DENND2A: variants seen among roughly 807,000 people sequenced by gnomAD.
DENND2A encodes the protein DENN domain-containing protein 2A.
In DENND2A, 53 loss-of-function variants were observed where a neutral mutation model predicts 105.3. The observed-to-expected ratio is 0.50, with a 90% confidence interval of 0.40 to 0.63. The LOEUF (loss-of-function observed/expected upper bound fraction) is 0.63. Ranked by LOEUF, DENND2A falls within the 30% of genes least tolerant of loss-of-function variation. The pLI, the probability that DENND2A is intolerant of heterozygous loss-of-function variation, is 0.00. For missense variants in DENND2A, 1,138 were observed against 1,279.6 expected (o/e 0.89, Z 1.69); for synonymous variants, 522 against 508.4 (o/e 1.03, Z -0.36).
intron 12 of DENND2A, among the ~76,000 whole-genome samples, chr7:140,548,841 G>A (rs1028827260): frequency 1.4e-4 from 21 of 151,586 alleles, no homozygotes; most frequent in African/African-American, 4.3e-4. Context: ...TCGAACTCCC[G>A]ACCTCAGGTG....
At chr7:140,541,767 C>T (rs965809437) in intron 14 of DENND2A, among the ~76,000 whole-genome samples, 2 of 152,124 alleles carry the variant, frequency 1.3e-5, no homozygotes, top group Admixed American at 6.5e-5. Context: ...AAAAGTGCAC[C>T]GGGAGTACGA....
intron 12 of DENND2A, among the ~76,000 whole-genome samples, chr7:140,552,918 G>A (rs543569228): frequency 3.3e-5 from 5 of 151,754 alleles, no homozygotes; most frequent in African/African-American, 1.2e-4. Context: ...TATAATTCAG[G>A]TTTCCTCTGA....
intron 1 of DENND2A, among the ~76,000 whole-genome samples, chr7:140,611,385 A>G (rs1799891342): frequency 6.6e-6 from 1 of 152,118 alleles, no homozygotes. Context: ...TAAAAAATAA[A>G]AAAATTGGCC....
At chr7:140,570,322 A>G (rs1290778099) in intron 6 of DENND2A, among the ~76,000 whole-genome samples, 2 of 152,214 alleles carry the variant, frequency 1.3e-5, no homozygotes, top group African/African-American at 2.4e-5. Flanking sequence ...ATGGGGAGAC[A>G]GCCCATTGCT....
intron 9 of DENND2A, among the ~76,000 whole-genome samples, chr7:140,564,295 A>AT (rs56667133): frequency 3.2e-3 from 156 of 48,188 alleles, no homozygotes; most frequent in African/African-American, 0.011. Context: ...AAAAAAAAAA[A>AT]AATACACACA....
chr7:140,573,614 C>T (rs1367143301), intron 6 of DENND2A, among the ~76,000 whole-genome samples, 194 bp downstream of exon 6: 3 of 152,088 alleles, frequency 2.0e-5, no homozygotes, highest in Non-Finnish European at 2.9e-5. Context: ...AGAGGAAGAC[C>T]ACAGGACCAC....
intron 13 of DENND2A, among the ~76,000 whole-genome samples, chr7:140,546,412 T>C (rs1364313206): frequency 1.3e-5 from 2 of 152,134 alleles, no homozygotes; most frequent in Non-Finnish European, 2.9e-5. Context: ...TGCAAGACTT[T>C]GTCTCAAAAA....
At chr7:140,577,131 G>T (rs1252441628) in intron 5 of DENND2A, among the ~76,000 whole-genome samples, 8 of 152,222 alleles carry the variant, frequency 5.3e-5, no homozygotes, top group African/African-American at 1.9e-4. Context: ...TGTTCAGGGA[G>T]CTTTCATGAT....
At chr7:140,595,150 G>A (rs1217542579) in intron 3 of DENND2A, among the ~76,000 whole-genome samples, 1 of 152,096 alleles carries the variant, frequency 6.6e-6, no homozygotes, top group East Asian at 1.9e-4. Context: ...GGAATTGCAG[G>A]TGTGTGCCAC....
At chr7:140,564,712 AATCATTTG>A (rs1453688083) in intron 9 of DENND2A, among the ~76,000 whole-genome samples, 1 of 152,220 alleles carries the variant, frequency 6.6e-6, no homozygotes, top group Non-Finnish European at 1.5e-5. Flanking sequence ...TGGAAACAAT[AATCATTTG>A]ATCATTATGG....
intron 12 of DENND2A, among the ~76,000 whole-genome samples, chr7:140,554,253 T>C (rs1027715969): frequency 6.6e-6 from 1 of 151,558 alleles, no homozygotes; most frequent in African/African-American, 2.4e-5. Context: ...TAGGGAGTAC[T>C]GCTTTAACAT....
At chr7:140,618,648 A>G (rs1458573733) in intron 1 of DENND2A, among the ~76,000 whole-genome samples, 1 of 152,124 alleles carries the variant, frequency 6.6e-6, no homozygotes, top group African/African-American at 2.4e-5. Flanking sequence ...CATCATTACG[A>G]ATGTCTGTCT....
rs1563169980 is a variant in DENND2A, at chr7:140,601,435, C to T, written c.963G>A (p.Trp321Ter). Residue 321 changes from tryptophan (W) to a stop codon, truncating the protein, a stop_gained, in exon 3 of 20, where the codon TGG becomes TGA. Coordinates refer to ENST00000496613, the MANE Select transcript of DENND2A (RefSeq NM_015689.5). LOFTEE classifies it high-confidence loss of function. The stretch of plus-strand genomic sequence containing the variant: ...CTGCACTGGATTTCTGTCTCCCGGT[C>T]CACAGTCTTCTGTTCACAGAGGAAG... The part of the protein sequence containing the change: ...PPPSSVNRRL[W>*]TGRQKSSADH... The T allele has an allele frequency of 6.2e-7, 1 of 1,609,820 alleles. No individual in the cohort carries two copies.
At chr7:140,592,295 C>T (rs1216615117) in intron 3 of DENND2A, among the ~76,000 whole-genome samples, 2 of 151,718 alleles carry the variant, frequency 1.3e-5, no homozygotes, top group Admixed American at 6.6e-5. Context: ...AAAGCTCCAC[C>T]TCCTCGGTTC....
intron 5 of DENND2A, among the ~76,000 whole-genome samples, chr7:140,574,986 C>T (rs1250986926): frequency 1.3e-5 from 2 of 152,154 alleles, no homozygotes; most frequent in South Asian, 2.1e-4. Context: ...CGCCACTGCA[C>T]TCCAGCCTGG....
chr7:140,567,301 AGAAAGAG>A (rs1259879834), intron 8 of DENND2A, 28 bp from the exon 9 acceptor site: 1 of 874,676 alleles, frequency 1.1e-6, no homozygotes, highest in African/African-American at 3.3e-5. Context: ...AGAGAAAGAG[AGAAAGAG>A]AGAGAGAGAG....
At chr7:140,555,495 G>A in intron 12 of DENND2A, 141 bp downstream of exon 12, 1 of 722,604 alleles carries the variant, frequency 1.4e-6, no homozygotes, top group Non-Finnish European at 2.3e-6. Context: ...GAGGGGTGAT[G>A]AGGAGAGGAG....
Position 140,522,030 on chromosome 7 carries a change from T to A in DENND2A, c.2736A>T (p.Gly912=). ...AFVRFFVEIV[G]HYSLFLTSGE... ...CCGACGTCAGGAACAAAGAGTAGTGTCCCACAATCTCCACGAAGAAGCGGA... is the reference window on the plus strand; with the variant it reads ...CCGACGTCAGGAACAAAGAGTAGTGACCCACAATCTCCACGAAGAAGCGGA... The change falls in exon 18 of 20, where the codon GGA becomes GGT. Residue 912 remains glycine, a synonymous_variant. Coordinates refer to ENST00000496613, the MANE Select transcript of DENND2A (RefSeq NM_015689.5). 1.2e-6 allele frequency: 2 copies of A among 1,614,118 alleles called. No homozygotes were observed. Among genetic ancestry groups the A allele is most frequent in the South Asian group, 1.1e-5 (1 of 91,082 alleles).
intron 3 of DENND2A, among the ~76,000 whole-genome samples, chr7:140,594,810 G>A (rs776865065): frequency 3.6e-4 from 55 of 152,116 alleles, no homozygotes; most frequent in Non-Finnish European, 6.8e-4. Flanking sequence ...TCTGCCTTCC[G>A]GTTCAAGCGA....
Sources: allele counts gnomAD v4.1 joint callset (sites outside exome capture counted in the v4.1 genomes callset), GRCh38; gene constraint gnomAD v4.1.1; transcripts MANE v1.5; gene names NCBI Gene and HGNC (gene_info 2026-07-23, HGNC 2026-07-21).